The following KIAA0232 variants were observed in gnomAD, a reference collection of about 807,000 sequenced individuals.
KIAA0232 encodes the protein KIAA0232.
Under a neutral mutation model 122.0 loss-of-function variants are expected in KIAA0232, and 27 were observed. The ratio of observed to expected loss-of-function variants is 0.22; its 90% confidence interval spans 0.16 to 0.31. The LOEUF (loss-of-function observed/expected upper bound fraction) is 0.31. Ranked by LOEUF, KIAA0232 falls within the 10% of genes least tolerant of loss-of-function variation. The probability of loss-of-function intolerance (pLI) is 1.00; values close to 1 mark genes in which losing one functional copy is unlikely to be tolerated. For missense variants in KIAA0232, 1,551 were observed against 1,634.2 expected, an observed-to-expected ratio of 0.95 and a Z score of 0.88; for synonymous variants, 613 against 587.6, an observed-to-expected ratio of 1.04 and a Z score of -0.63.
At chr4:6,828,013 C>G (rs1257348894) in intron 3 of KIAA0232, among the ~76,000 whole-genome samples, 3 of 152,146 alleles carry the variant, frequency 2.0e-5, no homozygotes, top group African/African-American at 7.2e-5. Flanking sequence ...ACCTCTGTCT[C>G]TGAAACTTTT....
At chr4:6,785,502 A>G (rs1407513450) in intron 1 of KIAA0232, among the ~76,000 whole-genome samples, 2 of 152,234 alleles carry the variant, frequency 1.3e-5, no homozygotes, top group Non-Finnish European at 2.9e-5. Context: ...TGGGATGATC[A>G]CTTGAGGGAA....
At chr4:6,824,714 A>G in intron 3 of KIAA0232, 30 bp downstream of exon 3, 1 of 1,575,642 alleles carries the variant, frequency 6.3e-7, no homozygotes, top group Non-Finnish European at 8.7e-7. Context: ...GTTTTCTGAA[A>G]ACTGATTGTA....
chr4:6,826,782 C>A (rs1212433626), intron 3 of KIAA0232, among the ~76,000 whole-genome samples: 1 of 152,156 alleles, frequency 6.6e-6, no homozygotes, highest in African/African-American at 2.4e-5. Flanking sequence ...TTTCAGTCTA[C>A]AATATTTAAT....
At chr4:6,828,371 C>G (rs1490100879) in intron 3 of KIAA0232, among the ~76,000 whole-genome samples, 1 of 152,186 alleles carries the variant, frequency 6.6e-6, no homozygotes, top group Non-Finnish European at 1.5e-5. Context: ...GAGACCCTGT[C>G]TCTTAAAAAA....
intron 1 of KIAA0232, among the ~76,000 whole-genome samples, chr4:6,803,432 T>C (rs1489273349): frequency 6.6e-6 from 1 of 152,134 alleles, no homozygotes; most frequent in African/African-American, 2.4e-5. Context: ...GTCACACAGC[T>C]CTCAAGTTAT....
intron 8 of KIAA0232, among the ~76,000 whole-genome samples, chr4:6,875,601 T>C (rs1247128394): frequency 6.6e-6 from 1 of 152,202 alleles, no homozygotes; most frequent in Non-Finnish European, 1.5e-5. Flanking sequence ...AGTCACTTGC[T>C]CCAGCCTTGT....
intron 1 of KIAA0232, among the ~76,000 whole-genome samples, chr4:6,791,166 C>T (rs764274738): frequency 7.9e-5 from 12 of 151,116 alleles, no homozygotes; most frequent in Admixed American, 2.6e-4. Context: ...GCAGTCCGCC[C>T]GCCTTGGCCT....
rs189516528 is a variant in KIAA0232 at position 6,855,463 on chromosome 4, T to C, written c.370-1701T>C. 6.6e-6 allele frequency among the ~76,000 whole-genome samples: 1 copy of C among 152,256 alleles called. No homozygotes were observed. The highest frequency in any genetic ancestry group is 1.5e-5 in the Non-Finnish European group (1 of 68,014). On this transcript the variant is annotated intron_variant, in intron 4 of 9. Coordinates refer to ENST00000307659, the MANE Select transcript of KIAA0232 (RefSeq NM_014743.3). The surrounding 1 kb of genome is among the most constrained non-coding windows in gnomAD (Gnocchi z 4.3). ...GAAAAACCTGGTTGGTAGAGCTTGC[T>C]TTTACACAGAGAGTAAGGAGTAAGC...
At position 6,863,397 on chromosome 4, in the gene KIAA0232, G is replaced by T; in HGVS notation, c.3015G>T (p.Gly1005=). 1 of 1,614,098 alleles carries T rather than the reference G, an allele frequency of 6.2e-7. No individual in the cohort carries two copies. Among genetic ancestry groups the T allele is most frequent in the Non-Finnish European group, 8.5e-7 (1 of 1,180,020 alleles). Residue 1005 remains glycine, a synonymous_variant, in exon 7 of 10, where the codon GGG becomes GGT. Transcript: ENST00000307659. The part of the protein sequence containing the change: ...SFEQNDQPKS[G]ENGLNKGFSF... The stretch of plus-strand genomic sequence containing the variant: ...AACAGAATGATCAGCCGAAGAGTGG[G>T]GAAAATGGGTTAAATAAGGGATTTT...
At chr4:6,821,897 G>A (rs1322314480) in intron 2 of KIAA0232, among the ~76,000 whole-genome samples, 1 of 151,546 alleles carries the variant, frequency 6.6e-6, no homozygotes, top group Non-Finnish European at 1.5e-5. Flanking sequence ...TTTTCTTTTA[G>A]TACTTTAAAG....
chr4:6,802,544 C>G (rs553845753), intron 1 of KIAA0232, among the ~76,000 whole-genome samples: 187 of 151,544 alleles, frequency 1.2e-3, no homozygotes, highest in African/African-American at 1.9e-3. Context: ...CTCAACCCCC[C>G]CCAACCCACC....
At chr4:6,879,316 G>C (rs1035548550) in intron 9 of KIAA0232, among the ~76,000 whole-genome samples, 1 of 152,100 alleles carries the variant, frequency 6.6e-6, no homozygotes, top group Non-Finnish European at 1.5e-5. Context: ...AACATCAGGC[G>C]CCGTGTATCC....
chr4:6,835,349 A>G (rs1719204639), intron 3 of KIAA0232, among the ~76,000 whole-genome samples: 2 of 151,848 alleles, frequency 1.3e-5, no homozygotes, highest in African/African-American at 2.4e-5. Context: ...AAGAAGCATC[A>G]CTCTCTTGAT....
intron 1 of KIAA0232, among the ~76,000 whole-genome samples, chr4:6,803,531 A>G (rs1423633006): frequency 2.0e-5 from 3 of 152,124 alleles, no homozygotes; most frequent in Admixed American, 2.0e-4. Flanking sequence ...ATTCATTTGG[A>G]TAAGATTACC....
intron 2 of KIAA0232, among the ~76,000 whole-genome samples, chr4:6,808,395 G>A (rs577474071): frequency 3.3e-5 from 5 of 150,618 alleles, no homozygotes; most frequent in African/African-American, 1.2e-4. Context: ...GAGCACACCA[G>A]CAATGTGAGT....
chr4:6,825,572 C>CGAGA (rs111362007), intron 3 of KIAA0232, among the ~76,000 whole-genome samples: 121 of 147,256 alleles, frequency 8.2e-4, no homozygotes, highest in African/African-American at 2.5e-3. Context: ...CACGCATACA[C>CGAGA]GAGAGAGAGA....
intron 2 of KIAA0232, among the ~76,000 whole-genome samples, 195 bp from the exon 3 acceptor site, chr4:6,823,990 A>G (rs1405579046): frequency 6.6e-6 from 1 of 152,184 alleles, no homozygotes; most frequent in Non-Finnish European, 1.5e-5. Flanking sequence ...GCTGGTACAC[A>G]GGAAGGTACC....
intron 3 of KIAA0232, among the ~76,000 whole-genome samples, chr4:6,840,187 G>C (rs1205834163): frequency 6.6e-6 from 1 of 152,160 alleles, no homozygotes; most frequent in African/African-American, 2.4e-5. Context: ...TTTGCAGCCA[G>C]CTCCTTGTAG....
At chr4:6,858,346 A>C in intron 5 of KIAA0232, 79 bp from the exon 6 acceptor site, 1 of 786,112 alleles carries the variant, frequency 1.3e-6, no homozygotes. Context: ...TGTTAAAATT[A>C]GTTGAGAAAC....
Sources: gnomAD v4.1 joint callset for allele counts (sites outside exome capture counted in the v4.1 genomes callset) on GRCh38, gnomAD v4.1.1 for gene constraint, Gnocchi (gnomAD v3.1) non-coding constraint, MANE v1.5 for transcripts, NCBI Gene and HGNC (gene_info 2026-07-23, HGNC 2026-07-21) for gene names.